Variants in GRIA1 observed in about 807,000 individuals in gnomAD.
GRIA1 encodes the protein glutamate ionotropic receptor AMPA type subunit 1.
In GRIA1, 31 loss-of-function variants were observed where a neutral mutation model predicts 99.2. That is an observed-to-expected ratio of 0.31 (90% CI 0.23 to 0.42). The LOEUF (loss-of-function observed/expected upper bound fraction) is 0.42. Ranked by LOEUF, GRIA1 falls within the 10% of genes least tolerant of loss-of-function variation. The pLI is 1.00. For missense variants in GRIA1, 782 were observed against 1,157.5 expected (o/e 0.68, Z 4.71); for synonymous variants, 438 against 432.4 (o/e 1.01, Z -0.16).
intron 11 of GRIA1, among the ~76,000 whole-genome samples, chr5:153,714,695 G>T (rs1030276154): frequency 5.3e-5 from 8 of 152,222 alleles, no homozygotes; most frequent in African/African-American, 1.7e-4. Context: ...TTGAATTGAC[G>T]AGGAAAGTAT....
rs528639178 is a variant in GRIA1, at chr5:153,536,453, T to C, written c.220+42388T>C. Among the ~76,000 whole-genome samples, 90 of 152,300 alleles carry C rather than the reference T, an allele frequency of 5.9e-4. 1 individual carries two copies. The highest frequency in any genetic ancestry group is 2.1e-3 in the African/African-American group (87 of 41,568). On this transcript the variant is annotated intron_variant, in intron 2 of 15. Transcript: ENST00000285900. The stretch of plus-strand genomic sequence containing the variant: ...ATGACTGTTAGACTGACAGCTCCTT[T>C]GGGGGAAAGGGCCTTATTGTGCTCA...
intron 2 of GRIA1, among the ~76,000 whole-genome samples, chr5:153,568,198 T>G (rs1761821541): frequency 6.6e-6 from 1 of 152,222 alleles, no homozygotes; most frequent in Non-Finnish European, 1.5e-5. Flanking sequence ...TTACTCTAAC[T>G]GACCTTTCCC....
chr5:153,642,304 T>A (rs1263629987), intron 2 of GRIA1, among the ~76,000 whole-genome samples: 1 of 152,198 alleles, frequency 6.6e-6, no homozygotes, highest in African/African-American at 2.4e-5. Context: ...TTGTGCTGTT[T>A]CTAGACCTCA....
chr5:153,535,264 A>T (rs1193201787), intron 2 of GRIA1, among the ~76,000 whole-genome samples: 1 of 152,214 alleles, frequency 6.6e-6, no homozygotes, highest in Non-Finnish European at 1.5e-5. Flanking sequence ...TAAGGTGGGT[A>T]AATAGATGTG....
intron 2 of GRIA1, among the ~76,000 whole-genome samples, chr5:153,608,666 T>G (rs1424191169): frequency 6.6e-6 from 1 of 152,330 alleles, no homozygotes; most frequent in East Asian, 1.9e-4. Context: ...ATAGTAAGCA[T>G]AGTTGATTAT....
chr5:153,553,909 C>T (rs959761343), intron 2 of GRIA1, among the ~76,000 whole-genome samples: 5 of 152,036 alleles, frequency 3.3e-5, no homozygotes, highest in African/African-American at 1.2e-4. Context: ...CAGGGGGGAC[C>T]CTCTCCTGTC....
chr5:153,545,215 G>A (rs765477796), intron 2 of GRIA1, among the ~76,000 whole-genome samples: 3 of 152,088 alleles, frequency 2.0e-5, no homozygotes, highest in South Asian at 2.1e-4. Context: ...CAGGCTCATC[G>A]GAGACACTGA....
intron 2 of GRIA1, among the ~76,000 whole-genome samples, chr5:153,543,952 G>A (rs1759372191): frequency 6.6e-6 from 1 of 151,792 alleles, no homozygotes; most frequent in African/African-American, 2.4e-5. Flanking sequence ...AGCATGGAGG[G>A]GGTGAGGGAA....
Position 153,768,493 on chromosome 5 carries a change from C to T in GRIA1, c.2023-1675C>T, listed in dbSNP as rs555519080. ...CCAGTGTCCTTTCTAGATTGTAAACCGGACTGTAAAACGAGTGATATAGTT... is the reference window on the plus strand; with the variant it reads ...CCAGTGTCCTTTCTAGATTGTAAACTGGACTGTAAAACGAGTGATATAGTT... On this transcript the variant is annotated intron_variant, in intron 12 of 15. Transcript: ENST00000285900. Among the ~76,000 whole-genome samples, 18 of 152,156 alleles carry T rather than the reference C, an allele frequency of 1.2e-4. No individual in the cohort carries two copies. In the South Asian group the frequency reaches 1.5e-3, roughly 12 times the overall value.
chr5:153,704,197 A>G (rs1758726776), intron 10 of GRIA1, among the ~76,000 whole-genome samples: 1 of 152,264 alleles, frequency 6.6e-6, no homozygotes, highest in African/African-American at 2.4e-5. Flanking sequence ...TCTAAGCAAC[A>G]GCCAACTGGT....
intron 4 of GRIA1, among the ~76,000 whole-genome samples, chr5:153,652,021 C>G (rs1487479531): frequency 6.6e-6 from 1 of 152,122 alleles, no homozygotes; most frequent in Non-Finnish European, 1.5e-5. Flanking sequence ...TTAGAGGGCT[C>G]TTGTGAGAAT....
chr5:153,810,546 G>T (rs2149683209), intron 15 of GRIA1, among the ~76,000 whole-genome samples: 1 of 152,294 alleles, frequency 6.6e-6, no homozygotes, highest in East Asian at 1.9e-4. Context: ...GTGTGTAGGT[G>T]CATAGATAAT....
chr5:153,771,144 C>T (rs570552074), intron 13 of GRIA1, among the ~76,000 whole-genome samples: 2 of 152,302 alleles, frequency 1.3e-5, no homozygotes, highest in Non-Finnish European at 2.9e-5. Flanking sequence ...CCCTTAGTTT[C>T]CTCATCTGTA....
At position 153,805,940 on chromosome 5, in the gene GRIA1, T is replaced by A. The variant is rs563592921; in HGVS notation, c.2520+3450T>A. On this transcript the variant is annotated intron_variant, in intron 15 of 15. Coordinates refer to ENST00000285900, the MANE Select transcript of GRIA1 (RefSeq NM_000827.4). ...CAACTCACTGAGGCTCCTAATAGAA[T>A]TTCCCATCTTCCAACTGCAGAAAAG... 2.0e-5 allele frequency among the ~76,000 whole-genome samples: 3 copies of A among 152,332 alleles called. No individual in the cohort carries two copies. The East Asian group carries it at 5.8e-4, about 29-fold the overall frequency.
chr5:153,602,031 C>G (rs1370660217), intron 2 of GRIA1, among the ~76,000 whole-genome samples: 1 of 152,020 alleles, frequency 6.6e-6, no homozygotes, highest in Non-Finnish European at 1.5e-5. Flanking sequence ...GAAAAGGACA[C>G]TATATACCAA....
chr5:153,669,062 T>C (rs1755960601), intron 5 of GRIA1, among the ~76,000 whole-genome samples: 1 of 152,194 alleles, frequency 6.6e-6, no homozygotes, highest in African/African-American at 2.4e-5. Flanking sequence ...CTCTTAACCA[T>C]AGCTCCTTAA....
At chr5:153,573,424 G>C (rs1762286544) in intron 2 of GRIA1, among the ~76,000 whole-genome samples, 1 of 152,146 alleles carries the variant, frequency 6.6e-6, no homozygotes, top group Non-Finnish European at 1.5e-5. Flanking sequence ...TTCTCAGAAA[G>C]CACTTCCCAC....
At chr5:153,570,025 A>C (rs1045943713) in intron 2 of GRIA1, among the ~76,000 whole-genome samples, 4 of 152,172 alleles carry the variant, frequency 2.6e-5, no homozygotes, top group Non-Finnish European at 4.4e-5. Context: ...AAAAATAGAC[A>C]ACATTAGGAT....
chr5:153,696,904 G>A (rs1758152379), intron 8 of GRIA1, among the ~76,000 whole-genome samples: 1 of 151,496 alleles, frequency 6.6e-6, no homozygotes, highest in African/African-American at 2.4e-5. Flanking sequence ...TCATTCTACT[G>A]TTTCCAAACT....
Sources: gnomAD v4.1 joint callset for allele counts (sites outside exome capture counted in the v4.1 genomes callset) on GRCh38, gnomAD v4.1.1 for gene constraint, MANE v1.5 for transcripts, NCBI Gene and HGNC (gene_info 2026-07-23, HGNC 2026-07-21) for gene names.